COL8A1: variants seen among roughly 807,000 people sequenced by gnomAD.
COL8A1 encodes the protein collagen alpha-1(VIII) chain.
COL8A1 carries 21 observed loss-of-function variants against 42.7 expected under a neutral mutation model. That is an observed-to-expected ratio of 0.49 (90% CI 0.35 to 0.71). COL8A1 has a LOEUF of 0.71. COL8A1 is among the 30% of genes least tolerant of loss of function. The pLI is 0.01. For missense variants in COL8A1, 788 were observed against 962.4 expected, an observed-to-expected ratio of 0.82 and a Z score of 2.40; for synonymous variants, 367 against 369.1, an observed-to-expected ratio of 0.99 and a Z score of 0.06.
In COL8A1 at chr3:99,660,052, C is replaced by T. The variant is rs529344290; in HGVS notation, c.-129+21388C>T. ...AACTGTGTGGAAGCACCAAGCCCAG[C>T]TTCTCTGGTTTTTAATAAACTGCAG... On this transcript the variant is annotated intron_variant, in intron 1 of 3. Coordinates refer to ENST00000652472, the MANE Select transcript of COL8A1 (RefSeq NM_020351.4). 1.7e-4 allele frequency among the ~76,000 whole-genome samples: 26 copies of T among 152,322 alleles called. 1 individual carries two copies. The South Asian group carries it at 5.4e-3, about 32-fold the overall frequency.
At chr3:99,752,407 T>C (rs792840) in intron 2 of COL8A1, among the ~76,000 whole-genome samples, 97,205 of 151,834 alleles carry the variant, frequency 0.64, 31,856 homozygotes, top group African/African-American at 0.78. Context: ...ATCACTCTTC[T>C]ACTACTCCCT....
At chr3:99,702,142 G>A (rs1939559107) in intron 1 of COL8A1, among the ~76,000 whole-genome samples, 1 of 152,208 alleles carries the variant, frequency 6.6e-6, no homozygotes, top group Middle Eastern at 3.4e-3. Flanking sequence ...TGAATTTCGG[G>A]CTAAGCATTA....
At chr3:99,693,158 C>T (rs935889819) in intron 1 of COL8A1, among the ~76,000 whole-genome samples, 1 of 152,030 alleles carries the variant, frequency 6.6e-6, no homozygotes, top group Non-Finnish European at 1.5e-5. Context: ...CCATGCACTC[C>T]AGCCTGGGCG....
intron 1 of COL8A1, among the ~76,000 whole-genome samples, chr3:99,695,943 G>A (rs754091891): frequency 6.6e-6 from 1 of 152,196 alleles, no homozygotes; most frequent in Non-Finnish European, 1.5e-5. Flanking sequence ...AGACCAGCCT[G>A]GCCAAAATAG....
intron 1 of COL8A1, among the ~76,000 whole-genome samples, chr3:99,651,912 A>G (rs1450469069): frequency 2.0e-5 from 3 of 152,182 alleles, no homozygotes; most frequent in Admixed American, 1.3e-4. Flanking sequence ...AAAATAATAA[A>G]AGACTTTATC....
intron 1 of COL8A1, among the ~76,000 whole-genome samples, chr3:99,666,693 C>T (rs1938376834): frequency 6.6e-6 from 1 of 152,188 alleles, no homozygotes; most frequent in Non-Finnish European, 1.5e-5. Context: ...TATGCTTATA[C>T]AACCCACTTC....
At chr3:99,735,619 T>G (rs1197858403) in intron 1 of COL8A1, among the ~76,000 whole-genome samples, 8 of 149,964 alleles carry the variant, frequency 5.3e-5, no homozygotes, top group East Asian at 3.9e-4. Context: ...TCTCTTTTTT[T>G]GTTGTGTCTC....
chr3:99,733,124 T>C lies in COL8A1; in HGVS notation c.-128-11773T>C, dbSNP rs942219947. Among the ~76,000 whole-genome samples the C allele has an allele frequency of 9.3e-5, 14 of 150,982 alleles. 1 individual carries two copies. The South Asian group carries it at 1.0e-3, about 11-fold the overall frequency. The stretch of plus-strand genomic sequence containing the variant: ...CCTCTCTCCCAGCTTTTTTCTTTTT[T>C]TTTTTTTTTTAAACTTTCTTTTTTT... On this transcript the variant is annotated intron_variant, in intron 1 of 3. Coordinates refer to ENST00000652472, the MANE Select transcript of COL8A1 (RefSeq NM_020351.4).
At chr3:99,773,974 A>C (rs995612640) in intron 2 of COL8A1, among the ~76,000 whole-genome samples, 1 of 147,256 alleles carries the variant, frequency 6.8e-6, no homozygotes, top group African/African-American at 2.5e-5. Context: ...CTTCCTGAGT[A>C]GCTGGGATTA....
intron 2 of COL8A1, among the ~76,000 whole-genome samples, chr3:99,758,494 G>T (rs1186954543): frequency 6.6e-6 from 1 of 152,124 alleles, no homozygotes; most frequent in Non-Finnish European, 1.5e-5. Context: ...GCGGGCAATT[G>T]GTTATACTGG....
chr3:99,649,679 G>A (rs903036376), intron 1 of COL8A1, among the ~76,000 whole-genome samples: 35 of 152,102 alleles, frequency 2.3e-4, no homozygotes, highest in Non-Finnish European at 3.8e-4. Context: ...TCTTCCGTGT[G>A]GTTTTCTGAG....
At chr3:99,705,413 A>G (rs1939653743) in intron 1 of COL8A1, among the ~76,000 whole-genome samples, 1 of 152,188 alleles carries the variant, frequency 6.6e-6, no homozygotes, top group South Asian at 2.1e-4. Flanking sequence ...TAGAAAGGTT[A>G]TTTGTATTCT....
At chr3:99,685,398 T>C (rs939748122) in intron 1 of COL8A1, 6 of 152,258 alleles carry the variant, frequency 3.9e-5, no homozygotes, top group Non-Finnish European at 7.3e-5. Flanking sequence ...GTTAATATAT[T>C]ATTTCTATCC....
chr3:99,798,678 G>T lies in COL8A1; in HGVS notation c.*2542G>T, dbSNP rs1576481863. On this transcript the variant is annotated 3_prime_UTR_variant, in exon 4 of 4. Transcript: ENST00000652472. The stretch of plus-strand genomic sequence containing the variant: ...TGTGTGTATGCGTGCGCATGTGTGT[G>T]TATGTGTATTATCAGACATAGGTTT... 6.6e-6 allele frequency: 1 copy of T among 152,340 alleles called. No homozygotes were observed. The highest frequency in any genetic ancestry group is 2.1e-4 in the South Asian group (1 of 4,826). The allele number at this position is 152,340 out of a possible 1,614,324, so 9.4% of individuals were successfully genotyped here. A position where few individuals can be genotyped will look rare whatever the true frequency, so the allele number is the denominator to read the frequency against.
At position 99,686,649 on chromosome 3, in the gene COL8A1, A is replaced by C. The variant is rs75501202; in HGVS notation, c.-129+47985A>C. On this transcript the variant is annotated intron_variant, in intron 1 of 3. Transcript: ENST00000652472. ...TATAAGTGCTCAGTGTGATCATCAC[A>C]ATGACTTTAGCTGAGCTCTATAACT... Among the ~76,000 whole-genome samples, 36 of 152,290 alleles carry C rather than the reference A, an allele frequency of 2.4e-4. 1 individual carries two copies. The East Asian group carries it at 6.8e-3, about 29-fold the overall frequency.
chr3:99,725,990 A>G (rs1036645843), intron 1 of COL8A1, among the ~76,000 whole-genome samples: 1 of 152,162 alleles, frequency 6.6e-6, no homozygotes, highest in African/African-American at 2.4e-5. Flanking sequence ...GAATCGCCAC[A>G]CTAACTTCCA....
chr3:99,766,688 G>A (rs1184320367), intron 2 of COL8A1, among the ~76,000 whole-genome samples: 3 of 152,240 alleles, frequency 2.0e-5, no homozygotes, highest in Middle Eastern at 3.4e-3. Flanking sequence ...AGTGGCTCAC[G>A]CCTGTAATCC....
intron 1 of COL8A1, among the ~76,000 whole-genome samples, chr3:99,669,146 T>TATATATATATATATAG: frequency 6.1e-5 from 7 of 115,362 alleles, no homozygotes; most frequent in East Asian, 3.1e-4. Context: ...TATATATATA[T>TATATATATATATATAG]AGAGGGAGAG....
intron 1 of COL8A1, among the ~76,000 whole-genome samples, chr3:99,700,877 C>T (rs1610258): frequency 0.66 from 100,292 of 151,852 alleles, 33,738 homozygotes; most frequent in East Asian, 0.78. Context: ...GTTCTGGTTA[C>T]TTTCTGGAAG....
Sources: allele counts gnomAD v4.1 joint callset (sites outside exome capture counted in the v4.1 genomes callset), GRCh38; gene constraint gnomAD v4.1.1; transcripts MANE v1.5; gene names NCBI Gene and HGNC (gene_info 2026-07-23, HGNC 2026-07-21).